NFIA: variants seen among roughly 807,000 people sequenced by gnomAD.
NFIA encodes nuclear factor I A.
In NFIA, 8 loss-of-function variants were observed where a neutral mutation model predicts 62.8. The observed-to-expected ratio is 0.13, with a 90% CI of 0.07 to 0.23. NFIA has a LOEUF of 0.23. Ranked by LOEUF, NFIA falls within the 10% of genes least tolerant of loss-of-function variation. The pLI is 1.00. For missense variants in NFIA, 410 were observed against 642.1 expected (o/e 0.64, Z 3.91); for synonymous variants, 235 against 238.1 (o/e 0.99, Z 0.12).
intron 9 of NFIA, among the ~76,000 whole-genome samples, chr1:61,410,475 A>T (rs1259889104): frequency 2.6e-5 from 4 of 152,240 alleles, no homozygotes; most frequent in African/African-American, 4.8e-5. Flanking sequence ...CAGGGTATTC[A>T]GTACATGTGC....
intron 7 of NFIA, among the ~76,000 whole-genome samples, chr1:61,398,922 T>C (rs1204551573): frequency 6.6e-6 from 1 of 152,234 alleles, no homozygotes; most frequent in Non-Finnish European, 1.5e-5. Flanking sequence ...AGATACATAG[T>C]AGTTGACAAC....
intron 2 of NFIA, among the ~76,000 whole-genome samples, chr1:61,090,534 C>T (rs559130824): frequency 2.0e-4 from 30 of 152,198 alleles, no homozygotes; most frequent in Non-Finnish European, 3.5e-4. Flanking sequence ...TCTTTTTCGT[C>T]GTTGGTTTGT....
chr1:61,219,136 G>T (rs542033064), intron 2 of NFIA, among the ~76,000 whole-genome samples: 3 of 151,846 alleles, frequency 2.0e-5, no homozygotes, highest in South Asian at 2.1e-4. Context: ...AGAGGCTGAG[G>T]CAGGAGAATC....
In NFIA at chr1:61,397,011, A is replaced by AT. The variant is rs552936111; in HGVS notation, c.1076-7093_1076-7092insT. 3.7e-3 allele frequency among the ~76,000 whole-genome samples: 568 copies of AT among 151,686 alleles called. 2 individuals carry two copies. Among genetic ancestry groups the AT allele is most frequent in the Non-Finnish European group, 6.0e-3 (405 of 67,898 alleles). On this transcript the variant is annotated intron_variant, in intron 7 of 10. Coordinates refer to ENST00000403491, the MANE Select transcript of NFIA (RefSeq NM_001134673.4). ...AGTGAGACTCTGTCTCCAAAAAAAA[A>AT]AATAATAATAATAATGCCCGGTTGG...
chr1:61,267,196 T>G (rs1037548925), intron 2 of NFIA, among the ~76,000 whole-genome samples: 2 of 152,182 alleles, frequency 1.3e-5, no homozygotes, highest in Non-Finnish European at 2.9e-5. Context: ...GAGAAAAGTC[T>G]GATTTAAAAA....
At position 61,406,543 on chromosome 1, in the gene NFIA, G is replaced by GGGGGGGGGCC; in HGVS notation, c.1255-19_1255-18insGGGGGGGGCC. On this transcript the variant is annotated intron_variant, in intron 8 of 10. Transcript: ENST00000403491. ...TCTTTTTCTTGTACGTGTGTTTTCT[G>GGGGGGGGGCC]CCCCCCCCCCCCCCACAGCCCAATG... 1 of 876,654 alleles carries GGGGGGGGGCC rather than the reference G, an allele frequency of 1.1e-6. No individual in the cohort carries two copies. Among genetic ancestry groups the GGGGGGGGGCC allele is most frequent in the Non-Finnish European group, 1.5e-6 (1 of 653,744 alleles). The allele number at this position is 876,654 out of a possible 1,614,324, so 54.3% of individuals were successfully genotyped here.
At chr1:61,260,790 C>T (rs1656719500) in intron 2 of NFIA, among the ~76,000 whole-genome samples, 1 of 152,126 alleles carries the variant, frequency 6.6e-6, no homozygotes, top group Non-Finnish European at 1.5e-5. Flanking sequence ...CCGTGTTAGC[C>T]AGGATGGTCT....
chr1:61,126,450 A>ACT (rs1646969751), intron 2 of NFIA, among the ~76,000 whole-genome samples: 1 of 139,934 alleles, frequency 7.1e-6, no homozygotes, highest in Non-Finnish European at 1.6e-5. Context: ...ACACACACAC[A>ACT]CACACACACA....
At chr1:61,110,177 G>A (rs1249323560) in intron 2 of NFIA, among the ~76,000 whole-genome samples, 21 of 151,780 alleles carry the variant, frequency 1.4e-4, no homozygotes, top group Admixed American at 1.4e-3. Flanking sequence ...GACTCTGCCT[G>A]GTGCTGACAC....
At chr1:61,270,127 A>G (rs1329708172) in intron 2 of NFIA, among the ~76,000 whole-genome samples, 1 of 152,234 alleles carries the variant, frequency 6.6e-6, no homozygotes, top group Non-Finnish European at 1.5e-5. Context: ...GTTGATTTTC[A>G]CAAAGAAACG....
intron 2 of NFIA, among the ~76,000 whole-genome samples, chr1:61,242,992 A>G (rs1417797472): frequency 6.6e-6 from 1 of 152,042 alleles, no homozygotes; most frequent in Non-Finnish European, 1.5e-5. Context: ...TAGTCAAGAA[A>G]TGTGACTTTT....
At chr1:61,146,042 A>G (rs1019802301) in intron 2 of NFIA, among the ~76,000 whole-genome samples, 2 of 152,174 alleles carry the variant, frequency 1.3e-5, no homozygotes, top group African/African-American at 4.8e-5. Context: ...CTGGGCTGAA[A>G]TGAAGGTGTT....
chr1:61,188,111 G>A (rs964625376), intron 2 of NFIA, among the ~76,000 whole-genome samples: 2 of 151,926 alleles, frequency 1.3e-5, no homozygotes, highest in African/African-American at 2.4e-5. Flanking sequence ...GTAGTGGTGC[G>A]ATCTCGGCTC....
intron 2 of NFIA, among the ~76,000 whole-genome samples, chr1:61,218,355 A>G (rs1479807867): frequency 1.3e-5 from 2 of 152,170 alleles, no homozygotes; most frequent in Admixed American, 6.5e-5. Context: ...TTGATATACA[A>G]AGTGGTGTAT....
rs28366447 is a variant in NFIA, at chr1:61,286,894, T to C, written c.625+9309T>C. 1.5e-3 allele frequency among the ~76,000 whole-genome samples: 236 copies of C among 152,328 alleles called. 1 individual carries two copies. Among genetic ancestry groups the C allele is most frequent in the African/African-American group, 5.4e-3 (223 of 41,576 alleles). On this transcript the variant is annotated intron_variant, in intron 3 of 10. Coordinates refer to ENST00000403491, the MANE Select transcript of NFIA (RefSeq NM_001134673.4). ...TGAATTATGCAGATATTAGGGACTT[T>C]TATTCTAAGAAGAGGGAACATTAAA...
chr1:61,309,908 G>A (rs987944208), intron 3 of NFIA, among the ~76,000 whole-genome samples: 25 of 152,170 alleles, frequency 1.6e-4, no homozygotes, highest in African/African-American at 5.8e-4. Flanking sequence ...ATAAATTTAG[G>A]TGAATGTTAC....
At chr1:61,303,347 G>A (rs1659589265) in intron 3 of NFIA, among the ~76,000 whole-genome samples, 1 of 152,160 alleles carries the variant, frequency 6.6e-6, no homozygotes, top group South Asian at 2.1e-4. Context: ...CTAGTTGATG[G>A]AGACAGATAA....
At chr1:61,339,650 T>A (rs1661795855) in intron 4 of NFIA, among the ~76,000 whole-genome samples, 1 of 152,180 alleles carries the variant, frequency 6.6e-6, no homozygotes, top group African/African-American at 2.4e-5. Flanking sequence ...ATTTTTTCCT[T>A]TTAATTTTCT....
intron 2 of NFIA, among the ~76,000 whole-genome samples, chr1:61,259,688 T>G (rs561555461): frequency 3.0e-4 from 46 of 152,326 alleles, no homozygotes; most frequent in Middle Eastern, 6.8e-3. Context: ...TAACAGAGAT[T>G]GGGAAAGAGT....
Sources: gnomAD v4.1 joint callset for allele counts (sites outside exome capture counted in the v4.1 genomes callset) on GRCh38, gnomAD v4.1.1 for gene constraint, MANE v1.5 for transcripts, NCBI Gene and HGNC (gene_info 2026-07-23, HGNC 2026-07-21) for gene names.